Variants in LRRC7 observed in about 807,000 individuals in gnomAD.
LRRC7 encodes the protein leucine-rich repeat-containing protein 7.
A neutral mutation model predicts 175.7 loss-of-function variants in LRRC7; 23 were observed. The observed-to-expected ratio is 0.13, with a 90% confidence interval of 0.09 to 0.19. The LOEUF is 0.19. Among genes scored for constraint, LRRC7 ranks in the 10% least tolerant of loss-of-function variants. The pLI, the probability that LRRC7 is intolerant of heterozygous loss-of-function variation, is 1.00. For missense variants in LRRC7, 1,354 were observed against 1,904.7 expected, an observed-to-expected ratio of 0.71 and a Z score of 5.38; for synonymous variants, 685 against 680.9, an observed-to-expected ratio of 1.01 and a Z score of -0.09.
intron 2 of LRRC7, among the ~76,000 whole-genome samples, chr1:69,732,867 T>C (rs112356612): frequency 5.9e-5 from 9 of 152,120 alleles, no homozygotes; most frequent in African/African-American, 2.2e-4. Flanking sequence ...ATAAAGCATA[T>C]TTATGGTTAA....
intron 9 of LRRC7, among the ~76,000 whole-genome samples, chr1:69,983,772 T>C (rs779575546): frequency 6.6e-6 from 1 of 152,186 alleles, no homozygotes; most frequent in Non-Finnish European, 1.5e-5. Flanking sequence ...TTCCTGTCTC[T>C]TCCTTTCTAC....
Position 70,128,018 on chromosome 1 carries a change from G to GT in LRRC7, c.*6132dup, listed in dbSNP as rs1666518465. On this transcript the variant is annotated 3_prime_UTR_variant, in exon 27 of 27. Coordinates refer to ENST00000651989, the MANE Select transcript of LRRC7 (RefSeq NM_001370785.2). ...GCTGTGTCACCCAGGCTGGAGTGCA[G>GT]TAGCGCTATCTTGGCTCACTGTAAC... Among the ~76,000 whole-genome samples, 1 of 152,022 alleles carries GT rather than the reference G, an allele frequency of 6.6e-6. No homozygotes were observed. Among genetic ancestry groups the GT allele is most frequent in the South Asian group, 2.1e-4 (1 of 4,828 alleles).
At chr1:70,003,834 A>T (rs1655751794) in intron 11 of LRRC7, among the ~76,000 whole-genome samples, 1 of 151,522 alleles carries the variant, frequency 6.6e-6, no homozygotes, top group Non-Finnish European at 1.5e-5. Flanking sequence ...AACTTGGAAC[A>T]TATAGTATCT....
intron 2 of LRRC7, among the ~76,000 whole-genome samples, chr1:69,752,914 T>A (rs1436823868): frequency 6.6e-6 from 1 of 152,068 alleles, no homozygotes; most frequent in Non-Finnish European, 1.5e-5. Flanking sequence ...TTAATCCCTT[T>A]GAAAAACTGT....
intron 3 of LRRC7, among the ~76,000 whole-genome samples, chr1:69,785,025 G>A (rs1674243276): frequency 6.6e-6 from 1 of 152,080 alleles, no homozygotes; most frequent in South Asian, 2.1e-4. Context: ...ATACTGTGTA[G>A]TAATTGAGCT....
At chr1:70,025,895 A>G (rs1428945658) in intron 17 of LRRC7, among the ~76,000 whole-genome samples, 1 of 151,906 alleles carries the variant, frequency 6.6e-6, no homozygotes, top group African/African-American at 2.4e-5. Context: ...AGGGTCCCTC[A>G]CAAGACTTTG....
intron 24 of LRRC7, among the ~76,000 whole-genome samples, chr1:70,078,810 G>GCACACA (rs374404537): frequency 4.0e-4 from 56 of 141,290 alleles, no homozygotes; most frequent in African/African-American, 6.9e-4. Context: ...GCGCGCGCGC[G>GCACACA]CACACACACA....
intron 7 of LRRC7, among the ~76,000 whole-genome samples, chr1:69,882,858 G>C (rs1686775754): frequency 6.7e-6 from 1 of 148,740 alleles, no homozygotes; most frequent in Admixed American, 6.8e-5. Flanking sequence ...GTGAGAATAT[G>C]CGGTGTTTGG....
Position 69,787,045 on chromosome 1 carries a change from T to G in LRRC7, c.304-4998T>G, listed in dbSNP as rs372189868. Among the ~76,000 whole-genome samples the G allele has an allele frequency of 1.2e-4, 18 of 152,334 alleles. No individual in the cohort carries two copies. In the East Asian group the frequency reaches 2.7e-3, roughly 23 times the overall value. On this transcript the variant is annotated intron_variant, in intron 3 of 26. Transcript: ENST00000651989. ...CTAGATACAATGGGAGTACAGGCAC[T>G]GGGTAAATACAGCCATTCCAAATAG...
intron 2 of LRRC7, among the ~76,000 whole-genome samples, chr1:69,685,369 CAA>C (rs1257430834): frequency 6.6e-6 from 1 of 152,010 alleles, no homozygotes; most frequent in Non-Finnish European, 1.5e-5. Context: ...CACAGTCTGA[CAA>C]AAGACAATCC....
intron 3 of LRRC7, among the ~76,000 whole-genome samples, chr1:69,778,739 C>A (rs1195218188): frequency 6.6e-6 from 1 of 152,044 alleles, no homozygotes; most frequent in East Asian, 1.9e-4. Flanking sequence ...TTAGCACTAC[C>A]AGTGGAGAAA....
chr1:69,685,738 A>G (rs1661059686), intron 2 of LRRC7, among the ~76,000 whole-genome samples: 1 of 152,124 alleles, frequency 6.6e-6, no homozygotes, highest in African/African-American at 2.4e-5. Context: ...TGGAAAAATA[A>G]TAACATATAT....
chr1:70,133,272 G>C lies in LRRC7; in HGVS notation c.*11385G>C, dbSNP rs1666746961. 6.6e-6 allele frequency among the ~76,000 whole-genome samples: 1 copy of C among 152,070 alleles called. No homozygotes were observed. Among genetic ancestry groups the C allele is most frequent in the African/African-American group, 2.4e-5 (1 of 41,396 alleles). The stretch of plus-strand genomic sequence containing the variant: ...GTGTCGCTCTGTCGCCCAGGCTGGA[G>C]TGCAGTGGCGCGATCTCGGCTCACT... On this transcript the variant is annotated 3_prime_UTR_variant, in exon 27 of 27. Transcript: ENST00000651989.
At chr1:69,617,764 C>G (rs1649904651) in intron 1 of LRRC7, among the ~76,000 whole-genome samples, 1 of 151,954 alleles carries the variant, frequency 6.6e-6, no homozygotes, top group Non-Finnish European at 1.5e-5. Context: ...TGTACTCACT[C>G]CTCCTCAAGG....
At chr1:69,868,610 TG>T (rs1478084912) in intron 7 of LRRC7, among the ~76,000 whole-genome samples, 2 of 152,066 alleles carry the variant, frequency 1.3e-5, no homozygotes, top group African/African-American at 4.8e-5. Context: ...GGTCACACTG[TG>T]GGGGTTTGCT....
chr1:69,921,842 T>C lies in LRRC7; in HGVS notation c.648-9665T>C, dbSNP rs76208178. Among the ~76,000 whole-genome samples, 13 of 152,352 alleles carry C rather than the reference T, an allele frequency of 8.5e-5. No individual in the cohort carries two copies. In the East Asian group the frequency reaches 2.3e-3, roughly 27 times the overall value. On this transcript the variant is annotated intron_variant, in intron 7 of 26. Coordinates refer to ENST00000651989, the MANE Select transcript of LRRC7 (RefSeq NM_001370785.2). ...TAGCTTGACACAGGAGATAATCTCA[T>C]GATCTAGTGCTTACCTACATATTAT...
intron 7 of LRRC7, among the ~76,000 whole-genome samples, chr1:69,875,721 A>C (rs1278639952): frequency 2.0e-5 from 3 of 152,108 alleles, no homozygotes; most frequent in East Asian, 3.8e-4. Flanking sequence ...TTTTTAAAAA[A>C]AACAGGTAAA....
At chr1:69,756,980 A>G (rs1001290496) in intron 2 of LRRC7, among the ~76,000 whole-genome samples, 2 of 151,950 alleles carry the variant, frequency 1.3e-5, no homozygotes, top group South Asian at 2.1e-4. Flanking sequence ...ATTCAGGGGG[A>G]AAAACCCCTA....
At chr1:70,064,000 T>G (rs1358386515) in intron 23 of LRRC7, among the ~76,000 whole-genome samples, 2 of 152,060 alleles carry the variant, frequency 1.3e-5, no homozygotes, top group Admixed American at 6.6e-5. Flanking sequence ...CACCTCACTT[T>G]TTATGTGTCA....
Sources: allele counts gnomAD v4.1 joint callset (sites outside exome capture counted in the v4.1 genomes callset), GRCh38; gene constraint gnomAD v4.1.1; transcripts MANE v1.5; gene names NCBI Gene and HGNC (gene_info 2026-07-23, HGNC 2026-07-21).